The following PCDH15 variants were observed in gnomAD, a reference collection of about 807,000 sequenced individuals.
PCDH15 encodes protocadherin related 15, also known as protocadherin-15.
PCDH15 carries 129 observed loss-of-function variants against 178.5 expected under a neutral mutation model. The ratio of observed to expected loss-of-function variants is 0.72; its 90% CI spans 0.63 to 0.84. The LOEUF is 0.84. Among genes scored for constraint, PCDH15 ranks in the 40% least tolerant of loss-of-function variants. The probability of loss-of-function intolerance (pLI) is 0.00; values close to 1 mark genes in which losing one functional copy is unlikely to be tolerated. For synonymous variants in PCDH15, 800 were observed against 732.0 expected, an observed-to-expected ratio of 1.09 and a Z score of -1.50; for missense variants, 2,230 against 2,099.9, an observed-to-expected ratio of 1.06 and a Z score of -1.21.
intron 15 of PCDH15, among the ~76,000 whole-genome samples, chr10:54,091,612 C>A (rs1212499322): frequency 6.6e-6 from 1 of 152,090 alleles, no homozygotes; most frequent in Non-Finnish European, 1.5e-5. Flanking sequence ...ATATTTCAGT[C>A]AGTAATAAAC....
chr10:54,669,510 G>C (rs981520631), intron 1 of PCDH15, among the ~76,000 whole-genome samples: 2 of 150,306 alleles, frequency 1.3e-5, no homozygotes, highest in African/African-American at 4.9e-5. Flanking sequence ...TTAATGATAG[G>C]TAATATCAAT....
At chr10:55,295,899 A>G (rs536317264) in intron 1 of PCDH15, among the ~76,000 whole-genome samples, 4 of 152,138 alleles carry the variant, frequency 2.6e-5, no homozygotes, top group Non-Finnish European at 5.9e-5. Context: ...CACTTCAGAC[A>G]CTAATCACAA....
chr10:53,917,060 T>C (rs1028214272), intron 25 of PCDH15, among the ~76,000 whole-genome samples: 1 of 152,096 alleles, frequency 6.6e-6, no homozygotes, highest in African/African-American at 2.4e-5. Context: ...TAGTGGAAAA[T>C]ACATATTTTT....
chr10:55,336,061 G>C (rs1393710006), intron 2 of PCDH15, among the ~76,000 whole-genome samples: 1 of 133,532 alleles, frequency 7.5e-6, no homozygotes. Flanking sequence ...GAATTGGTTT[G>C]TGTATTGTAG....
intron 28 of PCDH15, among the ~76,000 whole-genome samples, chr10:53,845,516 A>G (rs2077914460): frequency 6.6e-6 from 1 of 151,948 alleles, no homozygotes; most frequent in African/African-American, 2.4e-5. Flanking sequence ...CAAATACAGT[A>G]TATATATACA....
At chr10:55,079,991 G>T (rs1233665475) in intron 2 of PCDH15, among the ~76,000 whole-genome samples, 4 of 152,088 alleles carry the variant, frequency 2.6e-5, no homozygotes, top group Non-Finnish European at 4.4e-5. Flanking sequence ...GTGGTGGTGG[G>T]TTTGAAGAAT....
intron 2 of PCDH15, among the ~76,000 whole-genome samples, chr10:55,538,643 CT>C (rs1333110354): frequency 0.079 from 679 of 8,548 alleles, 214 homozygotes; most frequent in East Asian, 0.25. Context: ...TCCTCCCTTC[CT>C]TCCTTTCCTT....
chr10:53,894,910 C>T (rs1365760941), intron 26 of PCDH15, among the ~76,000 whole-genome samples: 1 of 152,142 alleles, frequency 6.6e-6, no homozygotes, highest in African/African-American at 2.4e-5. Flanking sequence ...CAGTCCAGTG[C>T]TCTTCCACTG....
chr10:54,120,506 A>G (rs1158262012), intron 15 of PCDH15, among the ~76,000 whole-genome samples: 1 of 152,152 alleles, frequency 6.6e-6, no homozygotes, highest in Non-Finnish European at 1.5e-5. Context: ...CAAGATCCAT[A>G]TGGCTGCTGT....
At chr10:55,111,806 G>T (rs1401292912) in intron 2 of PCDH15, among the ~76,000 whole-genome samples, 2 of 152,150 alleles carry the variant, frequency 1.3e-5, no homozygotes, top group African/African-American at 4.8e-5. Flanking sequence ...TCATGCCATT[G>T]CACTACATTG....
At chr10:54,249,950 G>A (rs542657627) in intron 8 of PCDH15, among the ~76,000 whole-genome samples, 52 of 152,062 alleles carry the variant, frequency 3.4e-4, no homozygotes, top group African/African-American at 1.2e-3. Flanking sequence ...GACAGAGTCT[G>A]GCTCAGTTAC....
At chr10:54,502,518 G>A (rs2080787580) in intron 3 of PCDH15, among the ~76,000 whole-genome samples, 2 of 151,980 alleles carry the variant, frequency 1.3e-5, no homozygotes, top group Non-Finnish European at 2.9e-5. Context: ...GCCCTCTAAA[G>A]TACTATATAT....
Position 54,185,269 on chromosome 10 carries a change from C to A in PCDH15, c.1306-1G>T, listed in dbSNP as rs1299990309. Reference sequence around the variant, plus strand: ...AAAGGTGAAGCTCTGGGTCTTTTGTCTTTGAAAAAAAATGACATCGTTTCA... The same window carrying A: ...AAAGGTGAAGCTCTGGGTCTTTTGTATTTGAAAAAAAATGACATCGTTTCA... On this transcript the variant is annotated splice_acceptor_variant, in intron 11 of 37. Transcript: ENST00000644397. LOFTEE classifies it high-confidence loss of function. 1 of 1,612,890 alleles carries A rather than the reference C, an allele frequency of 6.2e-7. No individual in the cohort carries two copies. Among genetic ancestry groups the A allele is most frequent in the Non-Finnish European group, 8.5e-7 (1 of 1,179,356 alleles).
intron 15 of PCDH15, among the ~76,000 whole-genome samples, chr10:54,130,351 T>G (rs2042327155): frequency 6.6e-6 from 1 of 152,172 alleles, no homozygotes; most frequent in Non-Finnish European, 1.5e-5. Flanking sequence ...CAGGAAGAGA[T>G]GCACATGACT....
At chr10:54,200,769 T>G (rs1314082338) in intron 10 of PCDH15, among the ~76,000 whole-genome samples, 1 of 152,160 alleles carries the variant, frequency 6.6e-6, no homozygotes, top group African/African-American at 2.4e-5. Context: ...CGTTTGGTGG[T>G]TTCCCCTTTT....
chr10:55,367,630 A>C (rs1406609459), intron 2 of PCDH15, among the ~76,000 whole-genome samples: 1 of 152,076 alleles, frequency 6.6e-6, no homozygotes, highest in Non-Finnish European at 1.5e-5. Context: ...CAAACAAAAA[A>C]AAGAGGTTCA....
intron 20 of PCDH15, among the ~76,000 whole-genome samples, chr10:54,016,045 T>C (rs1369216907): frequency 6.6e-6 from 1 of 152,090 alleles, no homozygotes; most frequent in Non-Finnish European, 1.5e-5. Context: ...ATATCCAGAA[T>C]CTATAAGGAA....
At chr10:54,284,153 A>C (rs2132796046) in intron 8 of PCDH15, among the ~76,000 whole-genome samples, 1 of 152,318 alleles carries the variant, frequency 6.6e-6, no homozygotes, top group South Asian at 2.1e-4. Context: ...GATTTTCAAT[A>C]AATTATATTT....
chr10:54,636,430 C>G (rs1478654605), intron 2 of PCDH15, among the ~76,000 whole-genome samples: 1 of 151,926 alleles, frequency 6.6e-6, no homozygotes, highest in Non-Finnish European at 1.5e-5. Context: ...GCAGCAGTCT[C>G]AGGTCTCTTT....
Sources: allele counts gnomAD v4.1 joint callset (sites outside exome capture counted in the v4.1 genomes callset), GRCh38; gene constraint gnomAD v4.1.1; transcripts MANE v1.5; gene names NCBI Gene and HGNC (gene_info 2026-07-23, HGNC 2026-07-21).